BBS1: variants seen among roughly 807,000 people sequenced by gnomAD.
BBS1 encodes Bardet-Biedl syndrome 1.
Under a neutral mutation model 73.9 loss-of-function variants are expected in BBS1, and 60 were observed. The ratio of observed to expected loss-of-function variants is 0.81; its 90% confidence interval spans 0.66 to 1.01. BBS1 has a LOEUF of 1.01. Among genes scored for constraint, BBS1 ranks in the 50% least tolerant of loss-of-function variants. The probability of loss-of-function intolerance (pLI) is 0.00; values close to 1 mark genes in which losing one functional copy is unlikely to be tolerated. For missense variants in BBS1, 718 were observed against 770.3 expected (o/e 0.93, Z 0.80); for synonymous variants, 283 against 317.4 (o/e 0.89, Z 1.15).
At chr11:66,517,033 A>G (rs1018299903) in intron 7 of BBS1, among the ~76,000 whole-genome samples, 2 of 152,066 alleles carry the variant, frequency 1.3e-5, no homozygotes, top group African/African-American at 4.8e-5. Flanking sequence ...CCCTGTCTCT[A>G]CTAAAAATAC....
chr11:66,515,964 T>TA (rs745441247), intron 7 of BBS1, 31 bp downstream of exon 7: 25 of 1,610,768 alleles, frequency 1.6e-5, no homozygotes, highest in South Asian at 5.5e-5. Flanking sequence ...TATTTCCCTG[T>TA]AAAAAAATTT....
At chr11:66,514,794 A>C in intron 4 of BBS1, 116 bp downstream of exon 4, 1 of 1,225,250 alleles carries the variant, frequency 8.2e-7, no homozygotes, top group Non-Finnish European at 1.2e-6. Context: ...GCTATAGTCC[A>C]TCTCTGACAG....
intron 9 of BBS1, 123 bp from the exon 10 acceptor site, chr11:66,523,333 G>A: frequency 1.5e-6 from 2 of 1,358,262 alleles, no homozygotes; most frequent in Non-Finnish European, 2.1e-6. Context: ...ATAATCCCAG[G>A]GTCATCTGCT....
intron 13 of BBS1, among the ~76,000 whole-genome samples, chr11:66,528,208 C>T (rs536957161): frequency 2.0e-5 from 3 of 152,300 alleles, no homozygotes; most frequent in African/African-American, 7.2e-5. Context: ...AAGAGCCAGA[C>T]TCCGTCTCAA....
intron 13 of BBS1, chr11:66,527,075 C>A: frequency 6.7e-7 from 1 of 1,494,058 alleles, no homozygotes; most frequent in South Asian, 1.2e-5. Context: ...CAGGAATTCT[C>A]ATGAGGAAAG....
At chr11:66,525,303 G>A (rs945354532) in intron 11 of BBS1, among the ~76,000 whole-genome samples, 2 of 152,042 alleles carry the variant, frequency 1.3e-5, no homozygotes, top group African/African-American at 4.8e-5. Flanking sequence ...AGGTTGCAGT[G>A]AACTGAGATC....
At chr11:66,515,646 G>T in intron 5 of BBS1, 47 bp from the exon 6 acceptor site, 1 of 1,614,134 alleles carries the variant, frequency 6.2e-7, no homozygotes, top group Non-Finnish European at 8.5e-7. Context: ...TGAGCCCCAG[G>T]GCCCCATTCT....
At chr11:66,514,354 G>A (rs1856005639) in intron 3 of BBS1, 52 bp from the exon 4 acceptor site, 1 of 1,608,404 alleles carries the variant, frequency 6.2e-7, no homozygotes, top group African/African-American at 1.3e-5. Context: ...AAGAGGGTCA[G>A]TGGAGAGGTC....
At position 66,511,254 on chromosome 11, in the gene BBS1, C is replaced by A; in HGVS notation, c.159+15C>A. 6 of 1,614,060 alleles carry A rather than the reference C, an allele frequency of 3.7e-6. No individual in the cohort carries two copies. Among genetic ancestry groups the A allele is most frequent in the Non-Finnish European group, 4.2e-6 (5 of 1,179,974 alleles). On this transcript the variant is annotated intron_variant, in intron 3 of 16. Coordinates refer to ENST00000318312, the MANE Select transcript of BBS1 (RefSeq NM_024649.5). ...GGGAATACAAGGTAAGCATATCACC[C>A]TAGCCAGGAGAGTTGAGGGTAGGGG...
intron 6 of BBS1, 64 bp downstream of exon 6, chr11:66,515,795 G>A (rs1856037537): frequency 6.2e-7 from 1 of 1,613,918 alleles, no homozygotes; most frequent in Admixed American, 1.7e-5. Flanking sequence ...CCGCCAGAAT[G>A]TGCCAGAATG....
intron 3 of BBS1, among the ~76,000 whole-genome samples, chr11:66,513,677 G>A (rs1019566114): frequency 2.6e-5 from 4 of 152,118 alleles, no homozygotes; most frequent in Non-Finnish European, 5.9e-5. Context: ...AGACCCAGTC[G>A]CTTAAAAATA....
At position 66,515,850 on chromosome 11, in the gene BBS1, T is replaced by A. The variant is rs1856038519; in HGVS notation, c.519-11T>A. On this transcript the variant is annotated splice_polypyrimidine_tract_variant and intron_variant, in intron 6 of 16. Transcript: ENST00000318312. The stretch of plus-strand genomic sequence containing the variant: ...CCGGGGCCTGCAGATGCCAGTTCTC[T>A]GTGTGTCTAGGTTTCTGCAGCTGGA... 1.2e-6 allele frequency: 2 copies of A among 1,614,194 alleles called. No individual in the cohort carries two copies. The highest frequency in any genetic ancestry group is 8.5e-7 in the Non-Finnish European group (1 of 1,180,018).
At chr11:66,530,414 C>A (rs1477125794) in intron 14 of BBS1, among the ~76,000 whole-genome samples, 1 of 152,056 alleles carries the variant, frequency 6.6e-6, no homozygotes, top group South Asian at 2.1e-4. Flanking sequence ...AAGGCTCAGA[C>A]GCAAATGAGC....
chr11:66,515,014 T>C (rs1233100581), intron 4 of BBS1, among the ~76,000 whole-genome samples: 3 of 152,092 alleles, frequency 2.0e-5, no homozygotes, highest in Admixed American at 2.0e-4. Flanking sequence ...GACAAGGTTT[T>C]ACTATGTTGG....
At chr11:66,519,903 C>T in intron 8 of BBS1, 155 bp downstream of exon 8, 1 of 934,868 alleles carries the variant, frequency 1.1e-6, no homozygotes, top group Non-Finnish European at 1.6e-6. Flanking sequence ...AATCCTACCG[C>T]CTATGGATGT....
intron 9 of BBS1, among the ~76,000 whole-genome samples, chr11:66,522,281 A>G (rs1344258941): frequency 6.6e-6 from 1 of 152,178 alleles, no homozygotes; most frequent in African/African-American, 2.4e-5. Flanking sequence ...GTTACTTTCT[A>G]GGGTACATGA....
chr11:66,533,299 T>C lies in BBS1; in HGVS notation c.*1262T>C, dbSNP rs1856856613. On this transcript the variant is annotated 3_prime_UTR_variant, in exon 17 of 17. Coordinates refer to ENST00000318312, the MANE Select transcript of BBS1 (RefSeq NM_024649.5). ...CACTTACTAATGTGGAATTACACAG[T>C]TTGTAACAAGAAAACAGTCTCTCCC... 4 of 152,232 alleles carry C rather than the reference T, an allele frequency of 2.6e-5. No individual in the cohort carries two copies. In the South Asian group the frequency reaches 6.2e-4, roughly 24 times the overall value. The allele number at this position is 152,232 out of a possible 1,614,324, so 9.4% of individuals were successfully genotyped here. A position where few individuals can be genotyped will look rare whatever the true frequency, so the allele number is the denominator to read the frequency against.
At chr11:66,523,688 C>T in intron 10 of BBS1, 36 bp from the exon 11 acceptor site, 2 of 1,610,086 alleles carry the variant, frequency 1.2e-6, no homozygotes, top group East Asian at 2.2e-5. Flanking sequence ...ACTGTAAGCC[C>T]TGAGCCCTCC....
rs58220840 is a variant in BBS1, at chr11:66,518,757, CT to C, written c.592-842del. ...GTGAGCCACCACGCCCAGCCCTTTT[CT>C]TTTTTTTTTTTTTTTTTAAGACAGG... On this transcript the variant is annotated intron_variant, in intron 7 of 16. Coordinates refer to ENST00000318312, the MANE Select transcript of BBS1 (RefSeq NM_024649.5). 4.3e-3 allele frequency among the ~76,000 whole-genome samples: 571 copies of C among 131,594 alleles called. 2 individuals carry two copies. Among genetic ancestry groups the C allele is most frequent in the Admixed American group, 6.0e-3 (78 of 13,054 alleles). 86.3% of individuals were successfully genotyped at this position (131,594 alleles called of 152,430 possible).
Sources: gnomAD v4.1 joint callset for allele counts (sites outside exome capture counted in the v4.1 genomes callset) on GRCh38, gnomAD v4.1.1 for gene constraint, MANE v1.5 for transcripts, NCBI Gene and HGNC (gene_info 2026-07-23, HGNC 2026-07-21) for gene names.